HS6ST2: variants seen among roughly 807,000 people sequenced by gnomAD.
HS6ST2 encodes heparan-sulfate 6-O-sulfotransferase 2.
HS6ST2 carries 17 observed loss-of-function variants against 33.0 expected under a neutral mutation model. The ratio of observed to expected loss-of-function variants is 0.52; its 90% confidence interval spans 0.35 to 0.77. HS6ST2 has a LOEUF of 0.77. Among genes scored for constraint, HS6ST2 ranks in the 30% least tolerant of loss-of-function variants. The pLI, the probability that HS6ST2 is intolerant of heterozygous loss-of-function variation, is 0.01. For synonymous variants in HS6ST2, 248 were observed against 237.1 expected (o/e 1.05, Z -0.42); for missense variants, 519 against 551.7 (o/e 0.94, Z 0.59).
At chrX:132,866,918 T>C in intron 2 of HS6ST2, among the ~76,000 whole-genome samples, 1 of 106,513 alleles carries the variant, frequency 9.4e-6, no homozygotes, top group Non-Finnish European at 1.9e-5. Context: ...AATCATGTCG[T>C]CTGCAAACAG....
At chrX:132,641,876 G>C (rs904997445) in intron 4 of HS6ST2, among the ~76,000 whole-genome samples, 1 of 112,483 alleles carries the variant, frequency 8.9e-6, no homozygotes, top group African/African-American at 3.2e-5. Context: ...TGTGAAATGA[G>C]GGATCCAATT....
chrX:132,888,398 A>G (rs2066273945), intron 2 of HS6ST2, among the ~76,000 whole-genome samples: 1 of 111,801 alleles, frequency 8.9e-6, no homozygotes, highest in African/African-American at 3.3e-5. Context: ...CACTGTCACA[A>G]GAACAGCACA....
At chrX:132,927,858 G>GA (rs752332242) in intron 2 of HS6ST2, among the ~76,000 whole-genome samples, 12,145 of 51,867 alleles carry the variant, frequency 0.23, 1,023 homozygotes, top group Middle Eastern at 0.37. Context: ...CCCTGTCTCA[G>GA]AAAAAAAAAA....
At chrX:132,827,259 G>A (rs987170560) in intron 2 of HS6ST2, among the ~76,000 whole-genome samples, 2 of 111,149 alleles carry the variant, frequency 1.8e-5, no homozygotes, top group African/African-American at 3.3e-5. Flanking sequence ...AAATTGTTGA[G>A]TGCTCTGTGA....
rs78984468 is a variant in HS6ST2, at chrX:132,675,819, C to CT, written c.981-6621dup. Among the ~76,000 whole-genome samples the CT allele has an allele frequency of 4.4e-3, 459 of 104,376 alleles. 1 individual carries two copies. The highest frequency in any genetic ancestry group is 5.9e-3 in the South Asian group (14 of 2,391). The allele number at this position is 104,376 out of a possible 115,157, so 90.6% of individuals were successfully genotyped here. ...ATACCTCCAATAGTACTAAAATCTCCTTTTTTTTTTTTACATGATTCCCTT... is the reference window on the plus strand; with the variant it reads ...ATACCTCCAATAGTACTAAAATCTCCTTTTTTTTTTTTTACATGATTCCCTT... On this transcript the variant is annotated intron_variant, in intron 3 of 4. Transcript: ENST00000370833.
At chrX:132,755,221 C>T (rs1474683170) in intron 2 of HS6ST2, among the ~76,000 whole-genome samples, 1 of 111,888 alleles carries the variant, frequency 8.9e-6, no homozygotes, top group East Asian at 2.8e-4. Context: ...GGTTATAGTC[C>T]AATAATACTA....
At chrX:132,758,013 T>C (rs1317803992) in intron 2 of HS6ST2, among the ~76,000 whole-genome samples, 1 of 111,996 alleles carries the variant, frequency 8.9e-6, no homozygotes, top group Non-Finnish European at 1.9e-5. Context: ...TGAACACACA[T>C]GAGAAAAACA....
chrX:132,801,253 G>A (rs1285569467), intron 2 of HS6ST2, among the ~76,000 whole-genome samples: 3 of 109,215 alleles, frequency 2.7e-5, no homozygotes, highest in African/African-American at 6.7e-5. Flanking sequence ...TCGAGATCGC[G>A]TCACTGCACT....
At chrX:132,853,740 C>T (rs1426507603) in intron 2 of HS6ST2, among the ~76,000 whole-genome samples, 2 of 110,885 alleles carry the variant, frequency 1.8e-5, no homozygotes. Flanking sequence ...TAATGTACAT[C>T]AAAAGCACAA....
intron 2 of HS6ST2, among the ~76,000 whole-genome samples, chrX:132,898,861 C>T (rs778848194): frequency 2.7e-5 from 3 of 110,755 alleles, no homozygotes; most frequent in South Asian, 3.9e-4. Flanking sequence ...TGGCTGAGTA[C>T]TGATTGGCAT....
chrX:132,776,636 A>C (rs887000458), intron 2 of HS6ST2, among the ~76,000 whole-genome samples: 6 of 108,472 alleles, frequency 5.5e-5, no homozygotes, highest in Non-Finnish European at 7.7e-5. Context: ...CACTATCCAA[A>C]CCCCCCCTGC....
intron 2 of HS6ST2, among the ~76,000 whole-genome samples, chrX:132,871,247 A>G (rs771893238): frequency 8.9e-6 from 1 of 112,392 alleles, no homozygotes; most frequent in South Asian, 3.7e-4. Flanking sequence ...CCCAGTTAGA[A>G]TGGTGATCAT....
chrX:132,814,379 A>G (rs2065377731), intron 2 of HS6ST2, among the ~76,000 whole-genome samples: 1 of 112,354 alleles, frequency 8.9e-6, no homozygotes, highest in Admixed American at 9.4e-5. Context: ...AGTCTGCCAC[A>G]TATTGGGTGT....
intron 2 of HS6ST2, among the ~76,000 whole-genome samples, chrX:132,948,572 TCAG>T (rs930753523): frequency 1.8e-5 from 2 of 112,283 alleles, no homozygotes; most frequent in African/African-American, 6.5e-5. Flanking sequence ...GTCAAAGTCT[TCAG>T]CACAGTTTTT....
At chrX:132,784,876 G>A (rs1055184406) in intron 2 of HS6ST2, among the ~76,000 whole-genome samples, 1 of 111,503 alleles carries the variant, frequency 9.0e-6, no homozygotes. Context: ...CATTAGGCTC[G>A]ACCACTTCCA....
chrX:132,876,903 C>A (rs2080588684), intron 2 of HS6ST2, among the ~76,000 whole-genome samples: 1 of 112,190 alleles, frequency 8.9e-6, no homozygotes, highest in Non-Finnish European at 1.9e-5. Context: ...AAAGCCAAGG[C>A]AGGAGTATGT....
intron 2 of HS6ST2, among the ~76,000 whole-genome samples, chrX:132,731,948 A>G (rs1023920853): frequency 9.0e-6 from 1 of 111,631 alleles, no homozygotes; most frequent in African/African-American, 3.3e-5. Flanking sequence ...TTTTTTTCCA[A>G]TCTAAACTCA....
intron 2 of HS6ST2, among the ~76,000 whole-genome samples, chrX:132,760,099 T>C (rs2064792050): frequency 9.0e-6 from 1 of 111,563 alleles, no homozygotes; most frequent in Non-Finnish European, 1.9e-5. Context: ...GTTTTCTGCG[T>C]CTATAAAAGC....
chrX:132,688,108 A>C (rs1472822061), intron 3 of HS6ST2, among the ~76,000 whole-genome samples: 1 of 112,107 alleles, frequency 8.9e-6, no homozygotes, highest in East Asian at 2.8e-4. Flanking sequence ...ATCAGAAGAT[A>C]ACTCTGTTGT....
Sources: allele counts gnomAD v4.1 joint callset (sites outside exome capture counted in the v4.1 genomes callset), GRCh38; gene constraint gnomAD v4.1.1; transcripts MANE v1.5; gene names NCBI Gene and HGNC (gene_info 2026-07-23, HGNC 2026-07-21).